ARIH1: variants seen among roughly 807,000 people sequenced by gnomAD.
The protein encoded by ARIH1 is E3 ubiquitin-protein ligase ARIH1.
Under a neutral mutation model 85.0 loss-of-function variants are expected in ARIH1, and 8 were observed. The ratio of observed to expected loss-of-function variants is 0.09; its 90% CI spans 0.06 to 0.17. The LOEUF (loss-of-function observed/expected upper bound fraction) is 0.17, where lower values mean the gene tolerates loss of function less well. Among genes scored for constraint, ARIH1 ranks in the 10% least tolerant of loss-of-function variants. The pLI is 1.00. For synonymous variants in ARIH1, 238 were observed against 253.6 expected (o/e 0.94, Z 0.59); for missense variants, 311 against 718.1 (o/e 0.43, Z 6.48).
At chr15:72,489,809 A>G (rs148690570) in intron 1 of ARIH1, among the ~76,000 whole-genome samples, 367 of 152,268 alleles carry the variant, frequency 2.4e-3, no homozygotes, top group African/African-American at 8.5e-3. Flanking sequence ...TTTTTATAAG[A>G]TGTCAACCCT....
At chr15:72,578,925 C>T (rs1406880347) in intron 11 of ARIH1, among the ~76,000 whole-genome samples, 1 of 149,342 alleles carries the variant, frequency 6.7e-6, no homozygotes, top group African/African-American at 2.4e-5. Context: ...GATGGGATTA[C>T]AGGCACATGC....
intron 1 of ARIH1, among the ~76,000 whole-genome samples, chr15:72,510,768 A>AAAAAAAAAT (rs2063947346): frequency 7.3e-6 from 1 of 137,424 alleles, no homozygotes; most frequent in Non-Finnish European, 1.6e-5. Flanking sequence ...AAAAAAAAAA[A>AAAAAAAAAT]AAGACTTTTT....
At position 72,588,771 on chromosome 15, in the gene ARIH1, A is replaced by T. The variant is rs1441300531; in HGVS notation, c.*5479A>T. 1 of 152,192 alleles carries T rather than the reference A, an allele frequency of 6.6e-6. No homozygotes were observed. Among genetic ancestry groups the T allele is most frequent in the Non-Finnish European group, 1.5e-5 (1 of 68,042 alleles). 9.4% of individuals were successfully genotyped at this position (152,192 alleles called of 1,614,324 possible). On this transcript the variant is annotated 3_prime_UTR_variant, in exon 14 of 14. Transcript: ENST00000379887. ...CCTTGGAGAAAATCACAAAACTAAAAGTCTTACCAAGAAGTAGAACTGACA... is the reference window on the plus strand; with the variant it reads ...CCTTGGAGAAAATCACAAAACTAAATGTCTTACCAAGAAGTAGAACTGACA...
intron 1 of ARIH1, among the ~76,000 whole-genome samples, chr15:72,491,637 C>T (rs2063859930): frequency 6.6e-6 from 1 of 152,138 alleles, no homozygotes; most frequent in Non-Finnish European, 1.5e-5. Context: ...GAATTGTTCA[C>T]ATTTCTCTTC....
At chr15:72,484,034 A>G (rs964202713) in intron 1 of ARIH1, among the ~76,000 whole-genome samples, 2 of 151,874 alleles carry the variant, frequency 1.3e-5, no homozygotes, top group Admixed American at 6.6e-5. Context: ...TTAGCCGGGC[A>G]TGGTGGTGGG....
intron 1 of ARIH1, among the ~76,000 whole-genome samples, chr15:72,489,864 G>A (rs1301108245): frequency 2.0e-5 from 3 of 152,132 alleles, no homozygotes; most frequent in Non-Finnish European, 4.4e-5. Flanking sequence ...TGTGGGTTAC[G>A]GAAAGCTTTG....
Position 72,599,378 on chromosome 15 carries a change from A to T in ARIH1, c.*16086A>T, listed in dbSNP as rs753601976. On this transcript the variant is annotated 3_prime_UTR_variant, in exon 14 of 14. Transcript: ENST00000379887. The stretch of plus-strand genomic sequence containing the variant: ...TGGATAATACAAAGTTAAATTTTGT[A>T]GAATCATAAAGAAAAGCAACACCTT... 6.6e-6 allele frequency: 1 copy of T among 152,248 alleles called. No individual in the cohort carries two copies. The highest frequency in any genetic ancestry group is 1.5e-5 in the Non-Finnish European group (1 of 68,044). 9.4% of individuals were successfully genotyped at this position (152,248 alleles called of 1,614,324 possible).
intron 5 of ARIH1, among the ~76,000 whole-genome samples, chr15:72,560,442 C>T (rs949901146): frequency 6.6e-6 from 1 of 152,108 alleles, no homozygotes; most frequent in Admixed American, 6.5e-5. Context: ...AGTCTCACAA[C>T]CATGTTTCTG....
At chr15:72,531,166 AT>A (rs1434574630) in intron 2 of ARIH1, among the ~76,000 whole-genome samples, 4 of 152,192 alleles carry the variant, frequency 2.6e-5, no homozygotes, top group African/African-American at 7.2e-5. Context: ...CTCGTGAAAA[AT>A]TTTCCATGTC....
chr15:72,577,016 C>T (rs978994616), intron 11 of ARIH1, among the ~76,000 whole-genome samples: 2 of 149,422 alleles, frequency 1.3e-5, no homozygotes, highest in Non-Finnish European at 3.0e-5. Flanking sequence ...GGAGTTTGCT[C>T]TTGTTACTCA....
At chr15:72,576,022 G>A (rs1436126938) in intron 11 of ARIH1, among the ~76,000 whole-genome samples, 1 of 152,120 alleles carries the variant, frequency 6.6e-6, no homozygotes, top group Non-Finnish European at 1.5e-5. Flanking sequence ...CCCAACTTGT[G>A]TTGGTTTTTT....
Position 72,582,927 on chromosome 15 carries a change from A to G in ARIH1, c.1590-281A>G, listed in dbSNP as rs2140440999. ...ACCTGTTTATCTGCAGAACTGTGGG[A>G]TTGAATTATGATTTCTAAGGTCCAT... is the stretch of plus-strand genomic sequence containing the variant. On this transcript the variant is annotated intron_variant, in intron 13 of 13. Transcript: ENST00000379887. The surrounding 1 kb of genome is among the most constrained non-coding windows in gnomAD (Gnocchi z 4.6). 6.6e-6 allele frequency among the ~76,000 whole-genome samples: 1 copy of G among 152,320 alleles called. No homozygotes were observed. Among genetic ancestry groups the G allele is most frequent in the Admixed American group, 6.5e-5 (1 of 15,296 alleles).
rs2064310852 is a variant in ARIH1, at chr15:72,585,198, A to C, written c.*1906A>C. 1 of 152,134 alleles carries C rather than the reference A, an allele frequency of 6.6e-6. No individual in the cohort carries two copies. The highest frequency in any genetic ancestry group is 1.5e-5 in the Non-Finnish European group (1 of 68,018). 9.4% of individuals were successfully genotyped at this position (152,134 alleles called of 1,614,324 possible). On this transcript the variant is annotated 3_prime_UTR_variant, in exon 14 of 14. Transcript: ENST00000379887. ...ATCAGTGAATGTTTGCTGAGTATAA[A>C]TGCTGCTTCCTTAAACCACTTGTCG...
At chr15:72,546,676 TTG>T (rs2064130254) in intron 3 of ARIH1, among the ~76,000 whole-genome samples, 1 of 151,400 alleles carries the variant, frequency 6.6e-6, no homozygotes, top group Non-Finnish European at 1.5e-5. Flanking sequence ...TGTGTGTGTT[TTG>T]TTTGTTTTGT....
chr15:72,532,983 A>G (rs1411764224), intron 2 of ARIH1, among the ~76,000 whole-genome samples: 1 of 152,244 alleles, frequency 6.6e-6, no homozygotes, highest in Non-Finnish European at 1.5e-5. Flanking sequence ...AAATGTTAAA[A>G]AAGATTTCCC....
intron 2 of ARIH1, among the ~76,000 whole-genome samples, chr15:72,528,926 T>C (rs931818025): frequency 6.6e-6 from 1 of 151,904 alleles, no homozygotes; most frequent in Admixed American, 6.6e-5. Flanking sequence ...TACGGCTGGG[T>C]GTGGTGGCTC....
chr15:72,555,215 T>C (rs1340442602), intron 3 of ARIH1, 56 bp from the exon 4 acceptor site: 1 of 1,326,766 alleles, frequency 7.5e-7, no homozygotes, highest in South Asian at 1.2e-5. Flanking sequence ...AGTCACTGTT[T>C]ATAGTGAGTT....
intron 9 of ARIH1, among the ~76,000 whole-genome samples, chr15:72,568,414 C>T (rs1037546986): frequency 1.3e-5 from 2 of 152,040 alleles, no homozygotes. Flanking sequence ...AAATGGTAGC[C>T]TTTTTTCTAC....
At position 72,579,497 on chromosome 15, in the gene ARIH1, C is replaced by T. The variant is rs139003648; in HGVS notation, c.1216-1234C>T. On this transcript the variant is annotated intron_variant, in intron 11 of 13. Transcript: ENST00000379887. ...ATATCTCTGCTTTTTGCTTGTTTTA[C>T]ATCTTGTGGCATACTGTAGAACAGT... 2.6e-5 allele frequency among the ~76,000 whole-genome samples: 4 copies of T among 152,314 alleles called. No homozygotes were observed. The East Asian group carries it at 7.7e-4, about 29-fold the overall frequency.
Sources: gnomAD v4.1 joint callset for allele counts (sites outside exome capture counted in the v4.1 genomes callset) on GRCh38, gnomAD v4.1.1 for gene constraint, Gnocchi (gnomAD v3.1) non-coding constraint, MANE v1.5 for transcripts, NCBI Gene and HGNC (gene_info 2026-07-23, HGNC 2026-07-21) for gene names.